The following TMEM131 variants were observed in gnomAD, a reference collection of about 807,000 sequenced individuals.
TMEM131 encodes transmembrane protein 131, also known as 2610524E03Rik.
TMEM131 carries 66 observed loss-of-function variants against 211.6 expected under a neutral mutation model. The observed-to-expected ratio is 0.31, with a 90% CI of 0.26 to 0.38. The LOEUF (loss-of-function observed/expected upper bound fraction) is 0.38, where lower values mean the gene tolerates loss of function less well. TMEM131 is among the 10% of genes least tolerant of loss of function. The pLI is 1.00. For synonymous variants in TMEM131, 844 were observed against 841.3 expected (o/e 1.00, Z -0.06); for missense variants, 2,036 against 2,299.3 (o/e 0.89, Z 2.34).
chr2:97,907,737 T>C (rs989007105), intron 3 of TMEM131, among the ~76,000 whole-genome samples: 9 of 152,190 alleles, frequency 5.9e-5, no homozygotes, highest in African/African-American at 1.4e-4. Flanking sequence ...ACACACACTG[T>C]AAAATAACTG....
Position 97,802,544 on chromosome 2 carries a change from C to G in TMEM131, c.2542-7G>C, listed in dbSNP as rs544772877. The G allele has an allele frequency of 1.4e-4, 222 of 1,605,486 alleles. No individual in the cohort carries two copies. Among genetic ancestry groups the G allele is most frequent in the Non-Finnish European group, 1.8e-4 (216 of 1,176,724 alleles). Reference sequence around the variant, plus strand: ...CTAAAGTAATCTCTTCTTCCTTAAACAAAATAATGAAACATTAAATGAAAG... The same window carrying G: ...CTAAAGTAATCTCTTCTTCCTTAAAGAAAATAATGAAACATTAAATGAAAG... On this transcript the variant is annotated splice_polypyrimidine_tract_variant and splice_region_variant and intron_variant, in intron 23 of 40. Coordinates refer to ENST00000186436, the MANE Select transcript of TMEM131 (RefSeq NM_015348.2).
At chr2:97,940,962 G>A (rs903096508) in intron 1 of TMEM131, among the ~76,000 whole-genome samples, 13 of 152,072 alleles carry the variant, frequency 8.5e-5, no homozygotes, top group Non-Finnish European at 1.6e-4. Context: ...TCACAGGATT[G>A]GAAAATACTA....
intron 4 of TMEM131, among the ~76,000 whole-genome samples, chr2:97,867,052 A>G (rs959584674): frequency 2.6e-5 from 4 of 152,248 alleles, no homozygotes; most frequent in Non-Finnish European, 5.9e-5. Flanking sequence ...AGGAATGTTC[A>G]GCCTGTATTG....
chr2:97,983,298 A>G (rs1326777255), intron 1 of TMEM131, among the ~76,000 whole-genome samples: 1 of 152,186 alleles, frequency 6.6e-6, no homozygotes, highest in East Asian at 1.9e-4. Flanking sequence ...ACAGTCAGCT[A>G]CAAGTGGTGC....
At chr2:97,938,931 G>A (rs1677580077) in intron 1 of TMEM131, among the ~76,000 whole-genome samples, 1 of 152,094 alleles carries the variant, frequency 6.6e-6, no homozygotes, top group African/African-American at 2.4e-5. Context: ...AATGACTACT[G>A]GGTACATAAC....
Position 97,864,810 on chromosome 2 carries a change from C to G in TMEM131, c.360-5383G>C, listed in dbSNP as rs139241245. Reference sequence around the variant, plus strand: ...AACGAGAGGCTAGGCTATGAGAAGGCTTCCGAACTTTATTATTCTCCACTT... The same window carrying G: ...AACGAGAGGCTAGGCTATGAGAAGGGTTCCGAACTTTATTATTCTCCACTT... On this transcript the variant is annotated intron_variant, in intron 4 of 40. Transcript: ENST00000186436. Among the ~76,000 whole-genome samples the G allele has an allele frequency of 1.2e-3, 176 of 152,290 alleles. 1 individual carries two copies. The highest frequency in any genetic ancestry group is 3.7e-3 in the African/African-American group (153 of 41,548).
chr2:97,784,189 G>C (rs2104851533), intron 31 of TMEM131, among the ~76,000 whole-genome samples: 1 of 152,112 alleles, frequency 6.6e-6, no homozygotes, highest in East Asian at 1.9e-4. Context: ...GAAAAATCAG[G>C]AAAGAACTTA....
rs1323580376 is a variant in TMEM131, at chr2:97,818,471, G to T, written c.1183+142C>A. The T allele has an allele frequency of 4.1e-4, 46 of 111,314 alleles. 13 individuals carry two copies. In the African/African-American group the frequency reaches 5.4e-3, roughly 13 times the overall value. 6.9% of individuals were successfully genotyped at this position (111,314 alleles called of 1,614,324 possible). A position where few individuals can be genotyped will look rare whatever the true frequency, so the allele number is the denominator to read the frequency against. ...TTCATGATGGTTTACAGCGGGGGGGGGCGGGGGGGGATCAACCTAAGCAGT... is the reference window on the plus strand; with the variant it reads ...TTCATGATGGTTTACAGCGGGGGGGTGCGGGGGGGGATCAACCTAAGCAGT... On this transcript the variant is annotated intron_variant, in intron 12 of 40. Coordinates refer to ENST00000186436, the MANE Select transcript of TMEM131 (RefSeq NM_015348.2).
At chr2:97,970,316 C>T (rs1679241946) in intron 1 of TMEM131, among the ~76,000 whole-genome samples, 1 of 152,132 alleles carries the variant, frequency 6.6e-6, no homozygotes, top group Non-Finnish European at 1.5e-5. Context: ...TGCTCCATGC[C>T]TGGTTTCTTT....
At chr2:97,887,954 C>G in intron 4 of TMEM131, 98 bp downstream of exon 4, 1 of 927,522 alleles carries the variant, frequency 1.1e-6, no homozygotes, top group East Asian at 2.6e-5. Flanking sequence ...ATGTAACTTT[C>G]CCACATAGAT....
At chr2:97,760,415 C>G in intron 38 of TMEM131, 178 bp downstream of exon 38, 1 of 641,012 alleles carries the variant, frequency 1.6e-6, no homozygotes, top group Non-Finnish European at 2.7e-6. Flanking sequence ...GGCACCGCAG[C>G]CGGCTTTCTG....
At chr2:97,889,548 TATA>T (rs71386038) in intron 3 of TMEM131, among the ~76,000 whole-genome samples, 40,634 of 148,760 alleles carry the variant, frequency 0.27, 7,472 homozygotes, top group Non-Finnish European at 0.39. Context: ...TTAATTCCTA[TATA>T]ATATTATATT....
At chr2:97,900,490 T>C (rs1328903874) in intron 3 of TMEM131, among the ~76,000 whole-genome samples, 3 of 152,030 alleles carry the variant, frequency 2.0e-5, no homozygotes, top group Non-Finnish European at 4.4e-5. Context: ...TTGTCATAAA[T>C]GACAGGATTT....
At chr2:97,865,882 T>C (rs1390164595) in intron 4 of TMEM131, among the ~76,000 whole-genome samples, 1 of 152,100 alleles carries the variant, frequency 6.6e-6, no homozygotes, top group African/African-American at 2.4e-5. Flanking sequence ...TCTGGCAAGT[T>C]TTTGTTTTGT....
chr2:97,849,199 T>C (rs557250802), intron 5 of TMEM131, among the ~76,000 whole-genome samples: 11 of 152,164 alleles, frequency 7.2e-5, no homozygotes, highest in Non-Finnish European at 1.5e-5. Flanking sequence ...AAAACTCTCA[T>C]GTTTCTCATG....
At chr2:97,878,911 C>G (rs1256590212) in intron 4 of TMEM131, among the ~76,000 whole-genome samples, 2 of 152,128 alleles carry the variant, frequency 1.3e-5, no homozygotes, top group African/African-American at 4.8e-5. Flanking sequence ...TCTGCTCTCT[C>G]CAGCCCTTTC....
At chr2:97,874,400 G>A (rs1182092425) in intron 4 of TMEM131, among the ~76,000 whole-genome samples, 1 of 152,186 alleles carries the variant, frequency 6.6e-6, no homozygotes, top group Non-Finnish European at 1.5e-5. Context: ...CTCGAGAAGA[G>A]CAACCCTAAG....
intron 11 of TMEM131, among the ~76,000 whole-genome samples, chr2:97,832,482 G>A (rs560447616): frequency 6.6e-6 from 1 of 152,290 alleles, no homozygotes; most frequent in African/African-American, 2.4e-5. Flanking sequence ...TACCTGGGAA[G>A]ACCATCTCTT....
chr2:97,819,770 T>G (rs955746854), intron 11 of TMEM131, among the ~76,000 whole-genome samples: 4 of 152,256 alleles, frequency 2.6e-5, no homozygotes, highest in African/African-American at 9.6e-5. Flanking sequence ...TGTCCTTTTC[T>G]GTGAGACTTA....
Sources: gnomAD v4.1 joint callset for allele counts (sites outside exome capture counted in the v4.1 genomes callset) on GRCh38, gnomAD v4.1.1 for gene constraint, MANE v1.5 for transcripts, NCBI Gene and HGNC (gene_info 2026-07-23, HGNC 2026-07-21) for gene names.